Variants in PMEPA1 observed in about 807,000 individuals in gnomAD.
The protein encoded by PMEPA1 is protein TMEPAI.
Under a neutral mutation model 23.0 loss-of-function variants are expected in PMEPA1, and 11 were observed. That is an observed-to-expected ratio of 0.48 (90% confidence interval 0.30 to 0.79). The LOEUF (loss-of-function observed/expected upper bound fraction) is 0.79. PMEPA1 is among the 30% of genes least tolerant of loss of function. The pLI, the probability that PMEPA1 is intolerant of heterozygous loss-of-function variation, is 0.06. For missense variants in PMEPA1, 377 were observed against 390.9 expected, an observed-to-expected ratio of 0.96 and a Z score of 0.30; for synonymous variants, 204 against 166.4, an observed-to-expected ratio of 1.23 and a Z score of -1.74.
At chr20:57,710,441 A>C, upstream of PMEPA1, 1 of 1,599,976 alleles carries the variant, frequency 6.3e-7, no homozygotes, top group Non-Finnish European at 8.5e-7. Context: ...AGGGGGAGGA[A>C]GCCCCCAAGA....
chr20:57,660,978 G>A (rs187074507), intron 1 of PMEPA1, among the ~76,000 whole-genome samples: 4,029 of 151,726 alleles, frequency 0.027, 186 homozygotes, highest in African/African-American at 0.093. Context: ...CACCACACGT[G>A]CCCACACACA....
chr20:57,669,598 G>A (rs535554091), intron 1 of PMEPA1, among the ~76,000 whole-genome samples: 10 of 152,216 alleles, frequency 6.6e-5, no homozygotes, highest in South Asian at 2.1e-4. Context: ...CACAGCCACC[G>A]GTCAGTCTGT....
intron 1 of PMEPA1, among the ~76,000 whole-genome samples, chr20:57,686,497 G>A (rs770937798): frequency 2.6e-5 from 4 of 152,086 alleles, no homozygotes; most frequent in Non-Finnish European, 5.9e-5. Flanking sequence ...CCACCTTCAG[G>A]CTGTGTGGTC....
chr20:57,660,976 G>A (rs1474207134), intron 1 of PMEPA1, among the ~76,000 whole-genome samples: 9 of 151,690 alleles, frequency 5.9e-5, no homozygotes, highest in Admixed American at 2.0e-4. Flanking sequence ...CGCACCACAC[G>A]TGCCCACACA....
chr20:57,688,108 G>A (rs990786005), intron 1 of PMEPA1, among the ~76,000 whole-genome samples: 3 of 152,128 alleles, frequency 2.0e-5, no homozygotes, highest in Admixed American at 6.5e-5. Flanking sequence ...GCCTCGGGAC[G>A]GCCTCAGCTC....
At chr20:57,661,258 G>A (rs1218956165) in intron 1 of PMEPA1, among the ~76,000 whole-genome samples, 2 of 152,216 alleles carry the variant, frequency 1.3e-5, no homozygotes, top group Non-Finnish European at 2.9e-5. Flanking sequence ...GCTGACTCAA[G>A]CGGGTCTGTG....
chr20:57,659,796 G>A (rs977048238), intron 1 of PMEPA1, 99 bp from the exon 2 acceptor site: 57 of 1,136,072 alleles, frequency 5.0e-5, no homozygotes, highest in Non-Finnish European at 6.3e-5. Context: ...CTAGGGGGAC[G>A]AGAGTGCAAC....
At chr20:57,705,287 ACCT>A (rs2072065639) in intron 1 of PMEPA1, among the ~76,000 whole-genome samples, 1 of 152,132 alleles carries the variant, frequency 6.6e-6, no homozygotes, top group African/African-American at 2.4e-5. Context: ...CTTAACCCAG[ACCT>A]CCTGGGAAGC....
chr20:57,658,082 C>T (rs1488950149), intron 2 of PMEPA1, among the ~76,000 whole-genome samples: 4 of 152,316 alleles, frequency 2.6e-5, no homozygotes, highest in South Asian at 2.1e-4. Flanking sequence ...ACCGAACAGC[C>T]GGGCTTCAGG....
At chr20:57,678,299 A>G (rs1474086480) in intron 1 of PMEPA1, among the ~76,000 whole-genome samples, 6 of 152,272 alleles carry the variant, frequency 3.9e-5, no homozygotes, top group Non-Finnish European at 8.8e-5. Flanking sequence ...GCTGGAGGAT[A>G]TCTACATAGA....
At chr20:57,690,751 A>C in intron 1 of PMEPA1, 1 of 342,846 alleles carries the variant, frequency 2.9e-6, no homozygotes, top group Non-Finnish European at 5.3e-6. Flanking sequence ...CACCTGCCGG[A>C]AGTCTGGGGT....
At chr20:57,666,338 T>C (rs203389) in intron 1 of PMEPA1, among the ~76,000 whole-genome samples, 90,674 of 151,714 alleles carry the variant, frequency 0.6, 28,765 homozygotes, top group African/African-American at 0.83. Flanking sequence ...CTAGATGCCA[T>C]GCAGGGGGGC....
In PMEPA1 at chr20:57,656,262, T is replaced by A. The variant is rs559839799; in HGVS notation, c.265-3176A>T. 1.3e-5 allele frequency among the ~76,000 whole-genome samples: 2 copies of A among 148,958 alleles called. No individual in the cohort carries two copies. Among genetic ancestry groups the A allele is most frequent in the Non-Finnish European group, 3.0e-5 (2 of 66,914 alleles). ...TCGGTATCTCCTGAGGCCATGGGAG[T>A]GGACGCTAGGTCTTTGGCTCCCGCT... On this transcript the variant is annotated intron_variant, in intron 2 of 3. Transcript: ENST00000341744. The surrounding 1 kb of genome is among the most constrained non-coding windows in gnomAD (Gnocchi z 4.7).
chr20:57,703,879 C>CAG (rs2072043469), intron 1 of PMEPA1, among the ~76,000 whole-genome samples: 1 of 152,204 alleles, frequency 6.6e-6, no homozygotes, highest in Admixed American at 6.5e-5. Context: ...AGGCCACACA[C>CAG]AGCCAGAATC....
rs1030766379 is a variant in PMEPA1, at chr20:57,652,242, C to G, written c.675G>C (p.Met225Ile). Residue 225 changes from methionine to isoleucine, a missense_variant, in exon 4 of 4, where the codon ATG (methionine) becomes ATC (isoleucine). Physicochemically the swap from Met to Ile is conservative, Grantham distance 10 (BLOSUM62 1). Coordinates refer to ENST00000341744, the MANE Select transcript of PMEPA1 (RefSeq NM_020182.5). The surrounding 1 kb of genome is among the most constrained non-coding windows in gnomAD (Gnocchi z 6.1). ...CGCTGTAGGTGGGCGGCGGCCCCTC[C>G]ATGCGCCCGCCGCTGCCGTAGCACG... ...SATCYGSGGR[M>I]EGPPPTYSEV... 3 of 1,607,112 alleles carry G rather than the reference C, an allele frequency of 1.9e-6. No individual in the cohort carries two copies. Among genetic ancestry groups the G allele is most frequent in the Non-Finnish European group, 1.7e-6 (2 of 1,179,300 alleles).
At chr20:57,696,288 G>T (rs1393767358) in intron 1 of PMEPA1, among the ~76,000 whole-genome samples, 1 of 152,194 alleles carries the variant, frequency 6.6e-6, no homozygotes, top group Non-Finnish European at 1.5e-5. Context: ...GCTTCAGGAA[G>T]AAAGAGGTAT....
At chr20:57,670,681 C>G (rs890854228) in intron 1 of PMEPA1, among the ~76,000 whole-genome samples, 2 of 152,220 alleles carry the variant, frequency 1.3e-5, no homozygotes, top group Non-Finnish European at 2.9e-5. Flanking sequence ...GTATTCCGTC[C>G]CCAGCCAGCA....
chr20:57,697,715 G>A (rs917559819), intron 1 of PMEPA1, among the ~76,000 whole-genome samples: 2 of 152,212 alleles, frequency 1.3e-5, no homozygotes, highest in African/African-American at 4.8e-5. Context: ...TCCCCTTGCA[G>A]GCAGAGCCTA....
intron 1 of PMEPA1, chr20:57,690,361 G>C (rs763327993): frequency 1.7e-5 from 18 of 1,050,044 alleles, no homozygotes; most frequent in South Asian, 1.6e-4. Flanking sequence ...ACATGCAAAT[G>C]CTCCTGAGAA....
Sources: allele counts gnomAD v4.1 joint callset (sites outside exome capture counted in the v4.1 genomes callset), GRCh38; gene constraint gnomAD v4.1.1; non-coding constraint Gnocchi (gnomAD v3.1); transcripts MANE v1.5; gene names NCBI Gene and HGNC (gene_info 2026-07-23, HGNC 2026-07-21).